GIPC2: variants seen among roughly 807,000 people sequenced by gnomAD.
GIPC2 encodes the protein GIPC PDZ domain containing family member 2.
In GIPC2, 30 loss-of-function variants were observed where a neutral mutation model predicts 30.6. The ratio of observed to expected loss-of-function variants is 0.98; its 90% CI spans 0.73 to 1.33. The LOEUF is 1.33. GIPC2 is among the 40% of genes most tolerant of loss of function. The pLI, the probability that GIPC2 is intolerant of heterozygous loss-of-function variation, is 0.00. For missense variants in GIPC2, 414 were observed against 390.3 expected (o/e 1.06, Z -0.51); for synonymous variants, 167 against 150.0 (o/e 1.11, Z -0.83).
At chr1:78,062,049 G>GATTTA (rs1661404283) in intron 1 of GIPC2, among the ~76,000 whole-genome samples, 1 of 152,208 alleles carries the variant, frequency 6.6e-6, no homozygotes, top group Non-Finnish European at 1.5e-5. Context: ...CAAAGCACAT[G>GATTTA]GAGAGGGATG....
chr1:78,105,561 C>T (rs764463995), intron 3 of GIPC2, among the ~76,000 whole-genome samples: 3 of 152,154 alleles, frequency 2.0e-5, no homozygotes, highest in Non-Finnish European at 2.9e-5. Flanking sequence ...GCTGGGATTA[C>T]AGGCATGAGC....
At chr1:78,048,324 G>A (rs559778149) in intron 1 of GIPC2, among the ~76,000 whole-genome samples, 2 of 152,154 alleles carry the variant, frequency 1.3e-5, no homozygotes, top group African/African-American at 4.8e-5. Flanking sequence ...TCACAGAGAG[G>A]AAACAGACTT....
rs1571523172 is a variant in GIPC2 at position 78,119,509 on chromosome 1, G to A, written c.714+10G>A. 5.4e-6 allele frequency: 8 copies of A among 1,489,410 alleles called. No individual in the cohort carries two copies. The highest frequency in any genetic ancestry group is 7.5e-6 in the Non-Finnish European group (8 of 1,067,200). 92.3% of individuals were successfully genotyped at this position (1,489,410 alleles called of 1,614,324 possible). ...CACCGTGGAAGAAATGGTATGTTAT[G>A]TTCATTTACTTCCTGTTCTGCTTGG... On this transcript the variant is annotated intron_variant, in intron 4 of 5. Transcript: ENST00000370759.
intron 1 of GIPC2, among the ~76,000 whole-genome samples, chr1:78,067,496 G>A (rs1557530650): frequency 1.3e-5 from 2 of 151,826 alleles, no homozygotes; most frequent in Non-Finnish European, 2.9e-5. Flanking sequence ...CTGTTACCCA[G>A]GCTGAAGTGT....
intron 5 of GIPC2, among the ~76,000 whole-genome samples, chr1:78,132,279 T>G (rs1223607227): frequency 1.3e-5 from 2 of 152,334 alleles, no homozygotes; most frequent in East Asian, 3.9e-4. Context: ...TTCTTAGTGA[T>G]GATCACTAAT....
At chr1:78,073,712 T>C (rs1273943374) in intron 1 of GIPC2, among the ~76,000 whole-genome samples, 1 of 152,206 alleles carries the variant, frequency 6.6e-6, no homozygotes, top group Non-Finnish European at 1.5e-5. Context: ...AACATGAATT[T>C]GATGTGTTTT....
At chr1:78,101,415 T>C (rs912195979) in intron 3 of GIPC2, among the ~76,000 whole-genome samples, 9 of 152,224 alleles carry the variant, frequency 5.9e-5, no homozygotes, top group African/African-American at 1.9e-4. Context: ...CAAAGTAGAA[T>C]AGAGTTGAAA....
intron 1 of GIPC2, among the ~76,000 whole-genome samples, chr1:78,053,955 A>C (rs1434235986): frequency 1.3e-5 from 2 of 151,990 alleles, no homozygotes; most frequent in East Asian, 3.9e-4. Flanking sequence ...GGGGCTCCTC[A>C]TTACTTACAA....
At chr1:78,070,202 C>T (rs967961196) in intron 1 of GIPC2, among the ~76,000 whole-genome samples, 11 of 152,120 alleles carry the variant, frequency 7.2e-5, no homozygotes, top group African/African-American at 1.4e-4. Flanking sequence ...TAATTTGGAA[C>T]GTTTAATCCA....
intron 2 of GIPC2, among the ~76,000 whole-genome samples, chr1:78,085,329 T>C (rs1236092404): frequency 6.6e-6 from 1 of 152,200 alleles, no homozygotes; most frequent in Admixed American, 6.5e-5. Context: ...GGATTTGATT[T>C]GCAAGTATTT....
chr1:78,075,965 G>A (rs1661709680), intron 1 of GIPC2, among the ~76,000 whole-genome samples: 2 of 152,186 alleles, frequency 1.3e-5, no homozygotes, highest in African/African-American at 4.8e-5. Context: ...TTGTTGCCAG[G>A]CCCACTCTTC....
chr1:78,088,238 C>G (rs1045697045), intron 2 of GIPC2, among the ~76,000 whole-genome samples: 2 of 152,166 alleles, frequency 1.3e-5, no homozygotes, highest in African/African-American at 4.8e-5. Context: ...CTCAGCAATC[C>G]CATTACTGGG....
At position 78,132,867 on chromosome 1, in the gene GIPC2, T is replaced by C. The variant is rs568020166; in HGVS notation, c.797-2725T>C. Among the ~76,000 whole-genome samples the C allele has an allele frequency of 1.1e-4, 17 of 152,330 alleles. No individual in the cohort carries two copies. The South Asian group carries it at 3.5e-3, about 32-fold the overall frequency. On this transcript the variant is annotated intron_variant, in intron 5 of 5. Transcript: ENST00000370759. ...ATCTTATTTCTTCCTCAGCTAGCTTTCTTAACATGTGTTACCCATATGTCA... is the reference window on the plus strand; with the variant it reads ...ATCTTATTTCTTCCTCAGCTAGCTTCCTTAACATGTGTTACCCATATGTCA...
intron 1 of GIPC2, among the ~76,000 whole-genome samples, chr1:78,073,104 C>T (rs79078029): frequency 0.024 from 3,536 of 149,904 alleles, 159 homozygotes; most frequent in African/African-American, 0.082. Context: ...CCACCATGCC[C>T]GGCCTTTTTT....
Position 78,046,884 on chromosome 1 carries a change from C to T in GIPC2, c.240+550C>T, listed in dbSNP as rs1571466905. Among the ~76,000 whole-genome samples, 3 of 152,346 alleles carry T rather than the reference C, an allele frequency of 2.0e-5. No homozygotes were observed. The South Asian group carries it at 6.2e-4, about 32-fold the overall frequency. On this transcript the variant is annotated intron_variant, in intron 1 of 5. Transcript: ENST00000370759. ...TAATACCAAACGGAGGCCCACTTTC[C>T]CCCAATCTGTCATTTCTAACATCAG...
At chr1:78,097,088 G>A (rs1392526932) in intron 3 of GIPC2, among the ~76,000 whole-genome samples, 3 of 152,102 alleles carry the variant, frequency 2.0e-5, no homozygotes, top group Non-Finnish European at 2.9e-5. Flanking sequence ...CTTTGGCTTC[G>A]TCCCAGTGCT....
chr1:78,093,568 A>G (rs563746233), intron 2 of GIPC2, among the ~76,000 whole-genome samples: 3 of 152,332 alleles, frequency 2.0e-5, no homozygotes, highest in South Asian at 4.1e-4. Context: ...AACATTAAAA[A>G]TGCTTAACCT....
At chr1:78,124,543 T>C (rs898593299) in intron 4 of GIPC2, among the ~76,000 whole-genome samples, 7 of 152,200 alleles carry the variant, frequency 4.6e-5, no homozygotes, top group African/African-American at 1.4e-4. Context: ...GTCCTTTTCA[T>C]GGTACACAGG....
chr1:78,125,663 C>G (rs1662768072), intron 4 of GIPC2, among the ~76,000 whole-genome samples: 1 of 152,050 alleles, frequency 6.6e-6, no homozygotes, highest in African/African-American at 2.4e-5. Flanking sequence ...CCTGGCTTTT[C>G]TTTTTTGAAT....
Sources: allele counts gnomAD v4.1 joint callset (sites outside exome capture counted in the v4.1 genomes callset), GRCh38; gene constraint gnomAD v4.1.1; transcripts MANE v1.5; gene names NCBI Gene and HGNC (gene_info 2026-07-23, HGNC 2026-07-21).